RBM34: variants seen among roughly 807,000 people sequenced by gnomAD.
RBM34 encodes RNA binding motif protein 34, also known as RNA-binding protein 34.
A neutral mutation model predicts 44.6 loss-of-function variants in RBM34; 39 were observed. The ratio of observed to expected loss-of-function variants is 0.87; its 90% CI spans 0.68 to 1.14. The LOEUF is 1.14. Among genes scored for constraint, RBM34 ranks in the 50% most tolerant of loss-of-function variants. The probability of loss-of-function intolerance (pLI) is 0.00; values close to 1 mark genes in which losing one functional copy is unlikely to be tolerated. For synonymous variants in RBM34, 194 were observed against 184.0 expected (o/e 1.05, Z -0.44); for missense variants, 572 against 517.9 (o/e 1.10, Z -1.01).
At chr1:235,154,798 C>T (rs923755897) in intron 4 of RBM34, 83 bp downstream of exon 4, 6 of 1,062,076 alleles carry the variant, frequency 5.6e-6, no homozygotes, top group Non-Finnish European at 7.2e-6. Context: ...AAGTTATATC[C>T]ATGACTTACT....
chr1:235,138,002 C>T (rs1048215480), intron 7 of RBM34, 62 bp from the exon 8 acceptor site: 1 of 1,537,716 alleles, frequency 6.5e-7, no homozygotes, highest in African/African-American at 1.4e-5. Flanking sequence ...ACTAAAACAT[C>T]TATGCTAAAG....
At chr1:235,155,844 T>TATATATATAC (rs1553275340) in intron 3 of RBM34, among the ~76,000 whole-genome samples, 2 of 28,306 alleles carry the variant, frequency 7.1e-5, no homozygotes, top group African/African-American at 1.4e-4. Context: ...TATATATATA[T>TATATATATAC]ATATATATAT....
At position 235,131,546 on chromosome 1, in the gene RBM34, G is replaced by T. The variant is rs941271910; in HGVS notation, c.*167C>A. On this transcript the variant is annotated 3_prime_UTR_variant, in exon 11 of 11. Coordinates refer to ENST00000408888, the MANE Select transcript of RBM34 (RefSeq NM_015014.4). ...AAAAACAAAAAAACCTTCAAAGGTA[G>T]TATCACAATGTGAATAAACTGAGAA... 1 of 755,494 alleles carries T rather than the reference G, an allele frequency of 1.3e-6. No homozygotes were observed. The highest frequency in any genetic ancestry group is 3.3e-5 in the Admixed American group (1 of 30,180). 46.8% of individuals were successfully genotyped at this position (755,494 alleles called of 1,614,324 possible). A position where few individuals can be genotyped will look rare whatever the true frequency, so the allele number is the denominator to read the frequency against.
intron 3 of RBM34, among the ~76,000 whole-genome samples, chr1:235,158,744 A>G (rs1334451230): frequency 2.0e-5 from 3 of 152,196 alleles, no homozygotes; most frequent in Non-Finnish European, 1.5e-5. Flanking sequence ...AGAGTGGCAA[A>G]GAAGAGAGGA....
intron 6 of RBM34, among the ~76,000 whole-genome samples, chr1:235,145,330 C>T (rs1158308688): frequency 6.7e-6 from 1 of 150,338 alleles, no homozygotes; most frequent in Admixed American, 6.7e-5. Flanking sequence ...CAGGCTGGAG[C>T]GTAGTGGTGC....
chr1:235,133,790 G>GAT (rs1436822869), intron 10 of RBM34, among the ~76,000 whole-genome samples: 6 of 152,086 alleles, frequency 3.9e-5, no homozygotes, highest in Non-Finnish European at 7.4e-5. Flanking sequence ...AGCATCTGCA[G>GAT]ATATATATAT....
At position 235,161,017 on chromosome 1, in the gene RBM34, A is replaced by C; in HGVS notation, c.104T>G (p.Leu35Arg). 2 of 1,614,098 alleles carry C rather than the reference A, an allele frequency of 1.2e-6. No individual in the cohort carries two copies. Among genetic ancestry groups the C allele is most frequent in the African/African-American group, 1.3e-5 (1 of 75,012 alleles). Residue 35 changes from leucine to arginine, a missense_variant, in exon 2 of 11, where the codon CTT (leucine) becomes CGT (arginine). Coordinates refer to ENST00000408888, the MANE Select transcript of RBM34 (RefSeq NM_015014.4). ...AAATAAGCTACTGGCGACCTGTCCA[A>C]GCCTGTAGTCTTCCGGCGGACTCCC... ...VRGSPPEDYR[L>R]GQVASSLFRG... is the part of the protein sequence containing the mutation.
chr1:235,154,767 T>C lies in RBM34; in HGVS notation c.597+114A>G. On this transcript the variant is annotated intron_variant, in intron 4 of 10. Coordinates refer to ENST00000408888, the MANE Select transcript of RBM34 (RefSeq NM_015014.4). ...CTGGAATCCATTCATATTAGGATGA[T>C]TTATGTAATAATTTACAATGAAGTT... is the stretch of plus-strand genomic sequence containing the variant. 5.9e-6 allele frequency: 5 copies of C among 847,766 alleles called. No homozygotes were observed. The South Asian group carries it at 7.5e-5, about 13-fold the overall frequency. 52.5% of individuals were successfully genotyped at this position (847,766 alleles called of 1,614,324 possible).
chr1:235,154,967 T>C lies in RBM34; in HGVS notation c.511A>G (p.Lys171Glu). 1 of 1,614,126 alleles carries C rather than the reference T, an allele frequency of 6.2e-7. No individual in the cohort carries two copies. Among genetic ancestry groups the C allele is most frequent in the Non-Finnish European group, 8.5e-7 (1 of 1,180,000 alleles). Residue 171 changes from lysine to glutamate, a missense_variant, in exon 4 of 11, where the codon AAA becomes GAA. Coordinates refer to ENST00000408888, the MANE Select transcript of RBM34 (RefSeq NM_015014.4). ...TEDTVVSQRK[K>E]IQINQEEERL... ...TCTTCTTCTTGGTTGATTTGAATTTTCTTTCTTTGACTGACAACTGTGTCT... is the reference window on the plus strand; with the variant it reads ...TCTTCTTCTTGGTTGATTTGAATTTCCTTTCTTTGACTGACAACTGTGTCT...
intron 6 of RBM34, among the ~76,000 whole-genome samples, chr1:235,143,749 G>GTACAA (rs1459129905): frequency 6.6e-6 from 1 of 151,868 alleles, no homozygotes; most frequent in Non-Finnish European, 1.5e-5. Flanking sequence ...ATACAATACA[G>GTACAA]TACAATACAG....
At chr1:235,135,577 A>G (rs962301646) in intron 10 of RBM34, 75 bp downstream of exon 10, 11 of 1,225,040 alleles carry the variant, frequency 9.0e-6, no homozygotes, top group Non-Finnish European at 1.3e-5. Context: ...GTTATGTCTC[A>G]ATGATGACAT....
At chr1:235,154,837 C>T in intron 4 of RBM34, 44 bp downstream of exon 4, 1 of 1,482,710 alleles carries the variant, frequency 6.7e-7, no homozygotes, top group Non-Finnish European at 9.4e-7. Flanking sequence ...ACAGGAAGAA[C>T]AAAGTTATTA....
chr1:235,143,882 A>C (rs745686094), intron 6 of RBM34, among the ~76,000 whole-genome samples: 10 of 152,228 alleles, frequency 6.6e-5, no homozygotes, highest in Non-Finnish European at 1.2e-4. Flanking sequence ...CATTGCAATA[A>C]TAAGAACAAA....
At chr1:235,150,391 T>C (rs1304273077) in intron 5 of RBM34, among the ~76,000 whole-genome samples, 1 of 152,118 alleles carries the variant, frequency 6.6e-6, no homozygotes, top group African/African-American at 2.4e-5. Flanking sequence ...ATTAAAGATA[T>C]TAATACATAA....
chr1:235,132,715 G>A (rs1572138904), intron 10 of RBM34, among the ~76,000 whole-genome samples: 1 of 152,286 alleles, frequency 6.6e-6, no homozygotes, highest in East Asian at 1.9e-4. Flanking sequence ...ATTACGAGAT[G>A]TTGGACTAGA....
At chr1:235,133,380 C>T (rs998335974) in intron 10 of RBM34, among the ~76,000 whole-genome samples, 3 of 152,130 alleles carry the variant, frequency 2.0e-5, no homozygotes, top group Non-Finnish European at 4.4e-5. Flanking sequence ...TTCATTATTA[C>T]AGGGAAAAAC....
chr1:235,150,097 C>G (rs981076863), intron 5 of RBM34, among the ~76,000 whole-genome samples: 1 of 152,206 alleles, frequency 6.6e-6, no homozygotes, highest in African/African-American at 2.4e-5. Context: ...GTTTTTGAGA[C>G]AGAATCTCGC....
intron 6 of RBM34, among the ~76,000 whole-genome samples, chr1:235,145,095 T>C (rs1429289377): frequency 6.6e-6 from 1 of 151,820 alleles, no homozygotes; most frequent in African/African-American, 2.4e-5. Flanking sequence ...TAGAGAAAAA[T>C]ATTCATAATT....
chr1:235,145,024 CA>C (rs1236415731), intron 6 of RBM34, among the ~76,000 whole-genome samples: 3 of 152,088 alleles, frequency 2.0e-5, no homozygotes, highest in Non-Finnish European at 4.4e-5. Context: ...GCCTGGGCAA[CA>C]AGAGCAAAAC....
Sources: allele counts gnomAD v4.1 joint callset (sites outside exome capture counted in the v4.1 genomes callset), GRCh38; gene constraint gnomAD v4.1.1; transcripts MANE v1.5; gene names NCBI Gene and HGNC (gene_info 2026-07-23, HGNC 2026-07-21).